DSCAML1: variants seen among roughly 807,000 people sequenced by gnomAD.
DSCAML1 encodes DS cell adhesion molecule like 1.
DSCAML1 carries 38 observed loss-of-function variants against 200.5 expected under a neutral mutation model. The observed-to-expected ratio is 0.19, with a 90% CI of 0.15 to 0.25. The LOEUF (loss-of-function observed/expected upper bound fraction) is 0.25, where lower values mean the gene tolerates loss of function less well. DSCAML1 is among the 10% of genes least tolerant of loss of function. The pLI, the probability that DSCAML1 is intolerant of heterozygous loss-of-function variation, is 1.00. For missense variants in DSCAML1, 2,223 were observed against 2,858.8 expected, an observed-to-expected ratio of 0.78 and a Z score of 5.07; for synonymous variants, 1,215 against 1,165.0, an observed-to-expected ratio of 1.04 and a Z score of -0.87.
intron 20 of DSCAML1, among the ~76,000 whole-genome samples, chr11:117,447,213 G>C (rs1378532245): frequency 6.6e-6 from 1 of 152,190 alleles, no homozygotes; most frequent in African/African-American, 2.4e-5. Flanking sequence ...ACTTGAACCC[G>C]GGAGGTGGAG....
chr11:117,635,044 G>C (rs1367841079), intron 3 of DSCAML1, among the ~76,000 whole-genome samples: 2 of 152,214 alleles, frequency 1.3e-5, no homozygotes, highest in Non-Finnish European at 2.9e-5. Context: ...ACCCATGATA[G>C]GTCGCACAAC....
chr11:117,815,023 C>T (rs2055792842), intron 1 of DSCAML1, among the ~76,000 whole-genome samples: 1 of 152,238 alleles, frequency 6.6e-6, no homozygotes, highest in Non-Finnish European at 1.5e-5. Context: ...GAGAATTCAG[C>T]ATGCTCCTGG....
intron 20 of DSCAML1, among the ~76,000 whole-genome samples, chr11:117,448,406 C>T (rs2048221564): frequency 1.3e-5 from 2 of 152,136 alleles, no homozygotes. Context: ...CCTCTGGGGA[C>T]CCAAAGATGA....
chr11:117,749,449 T>C (rs2054568983), intron 3 of DSCAML1, among the ~76,000 whole-genome samples: 1 of 152,208 alleles, frequency 6.6e-6, no homozygotes, highest in Non-Finnish European at 1.5e-5. Context: ...GGCCACGAAC[T>C]GCCCTGTGCC....
chr11:117,559,308 G>C (rs2050618694), intron 3 of DSCAML1, among the ~76,000 whole-genome samples: 1 of 152,158 alleles, frequency 6.6e-6, no homozygotes, highest in South Asian at 2.1e-4. Context: ...GGACTGGGGA[G>C]AGTCATGCCC....
chr11:117,499,145 C>T (rs542355904), intron 11 of DSCAML1, among the ~76,000 whole-genome samples: 3 of 152,278 alleles, frequency 2.0e-5, no homozygotes, highest in African/African-American at 7.2e-5. Context: ...TTTATTTTTT[C>T]CCCATGTGTC....
chr11:117,447,356 A>G (rs1274587332), intron 20 of DSCAML1, among the ~76,000 whole-genome samples: 2 of 152,222 alleles, frequency 1.3e-5, no homozygotes, highest in Admixed American at 6.5e-5. Context: ...TATTCCATGA[A>G]AAAAGCAGAT....
At chr11:117,508,270 C>T (rs2049544100) in intron 8 of DSCAML1, among the ~76,000 whole-genome samples, 1 of 152,152 alleles carries the variant, frequency 6.6e-6, no homozygotes, top group Non-Finnish European at 1.5e-5. Flanking sequence ...TTCCACACAG[C>T]CCTGAAGCCT....
At chr11:117,576,367 C>T (rs190345454) in intron 3 of DSCAML1, among the ~76,000 whole-genome samples, 11 of 152,312 alleles carry the variant, frequency 7.2e-5, no homozygotes, top group Non-Finnish European at 1.2e-4. Flanking sequence ...CAATCTGGCT[C>T]GTGCTCTTGG....
chr11:117,471,124 C>T (rs1326315959), intron 15 of DSCAML1, among the ~76,000 whole-genome samples: 1 of 151,870 alleles, frequency 6.6e-6, no homozygotes, highest in Non-Finnish European at 1.5e-5. Context: ...TCATTGTTTA[C>T]CTTATGCTTG....
intron 11 of DSCAML1, among the ~76,000 whole-genome samples, chr11:117,485,427 C>A (rs532545589): frequency 3.1e-4 from 47 of 152,206 alleles, no homozygotes; most frequent in Non-Finnish European, 1.8e-4. Context: ...TAGCTCAGGG[C>A]TAGTTCAGGG....
intron 3 of DSCAML1, among the ~76,000 whole-genome samples, chr11:117,713,493 T>C (rs2053890331): frequency 6.6e-6 from 1 of 152,074 alleles, no homozygotes; most frequent in Non-Finnish European, 1.5e-5. Flanking sequence ...TTCCCTACCC[T>C]CTACCCCTTT....
chr11:117,442,054 ATG>A lies in DSCAML1; in HGVS notation c.3862+1830_3862+1831del, dbSNP rs1031325738. On this transcript the variant is annotated intron_variant, in intron 21 of 32. Transcript: ENST00000651296. ...TGTATGTGTGTGTGTGTGTTAGTGT[ATG>A]TGTGTGCGCAGATGCGTGTTTGTGC... Among the ~76,000 whole-genome samples the A allele has an allele frequency of 5.3e-5, 8 of 150,414 alleles. No homozygotes were observed. In the East Asian group the frequency reaches 7.9e-4, roughly 15 times the overall value.
At chr11:117,533,008 G>A (rs1280532006) in intron 3 of DSCAML1, among the ~76,000 whole-genome samples, 1 of 151,642 alleles carries the variant, frequency 6.6e-6, no homozygotes, top group Non-Finnish European at 1.5e-5. Flanking sequence ...GGTTTGGTAG[G>A]GCACGCCGGT....
intron 3 of DSCAML1, among the ~76,000 whole-genome samples, chr11:117,658,985 T>A (rs1181314679): frequency 6.6e-6 from 1 of 152,082 alleles, no homozygotes; most frequent in Non-Finnish European, 1.5e-5. Flanking sequence ...TGCACCAGCC[T>A]ATTATTATTG....
intron 19 of DSCAML1, among the ~76,000 whole-genome samples, chr11:117,454,732 C>T (rs10892116): frequency 0.078 from 11,855 of 152,166 alleles, 836 homozygotes; most frequent in East Asian, 0.4. Context: ...ATGTTATCTT[C>T]CTAAAGAGAG....
At chr11:117,747,674 C>A (rs1315413811) in intron 3 of DSCAML1, among the ~76,000 whole-genome samples, 1 of 152,176 alleles carries the variant, frequency 6.6e-6, no homozygotes, top group African/African-American at 2.4e-5. Context: ...GAGTCAGGGA[C>A]CTTGCAGCTT....
At chr11:117,552,711 A>G (rs921558491) in intron 3 of DSCAML1, among the ~76,000 whole-genome samples, 10 of 152,254 alleles carry the variant, frequency 6.6e-5, no homozygotes, top group African/African-American at 2.2e-4. Context: ...AGGTCGAGAC[A>G]ACAGGTTCAG....
rs1395289425 is a variant in DSCAML1 at position 117,498,460 on chromosome 11, T to A, written c.2359+5385A>T. ...GTGGTCTAGAAAGGGATTTGTGGGC[T>A]CTGAGCAGCCATTTTCTCAGGCTCA... is the stretch of plus-strand genomic sequence containing the variant. On this transcript the variant is annotated intron_variant, in intron 11 of 32. Transcript: ENST00000651296. The surrounding 1 kb of genome is among the most constrained non-coding windows in gnomAD (Gnocchi z 4.0). Among the ~76,000 whole-genome samples the A allele has an allele frequency of 1.3e-5, 2 of 152,146 alleles. No homozygotes were observed. The highest frequency in any genetic ancestry group is 2.9e-5 in the Non-Finnish European group (2 of 68,020).
Sources: allele counts gnomAD v4.1 joint callset (sites outside exome capture counted in the v4.1 genomes callset), GRCh38; gene constraint gnomAD v4.1.1; non-coding constraint Gnocchi (gnomAD v3.1); transcripts MANE v1.5; gene names NCBI Gene and HGNC (gene_info 2026-07-23, HGNC 2026-07-21).